ME3: variants seen among roughly 807,000 people sequenced by gnomAD.
ME3 encodes NADP-dependent malic enzyme, mitochondrial.
ME3 carries 48 observed loss-of-function variants against 68.9 expected under a neutral mutation model. That is an observed-to-expected ratio of 0.70 (90% CI 0.55 to 0.89). ME3 has a LOEUF of 0.89. ME3 is among the 40% of genes least tolerant of loss of function. The probability of loss-of-function intolerance (pLI) is 0.00; values close to 1 mark genes in which losing one functional copy is unlikely to be tolerated. For synonymous variants in ME3, 320 were observed against 318.8 expected, an observed-to-expected ratio of 1.00 and a Z score of -0.04; for missense variants, 675 against 797.4, an observed-to-expected ratio of 0.85 and a Z score of 1.85.
intron 3 of ME3, 79 bp from the exon 4 acceptor site, chr11:86,556,781 C>T: frequency 6.7e-7 from 1 of 1,486,364 alleles, no homozygotes; most frequent in Admixed American, 1.8e-5. Flanking sequence ...TGCAAAGACC[C>T]AAGGCTCCTG....
chr11:86,507,385 A>G (rs964601450), intron 5 of ME3, among the ~76,000 whole-genome samples: 43 of 152,284 alleles, frequency 2.8e-4, no homozygotes, highest in African/African-American at 1.0e-3. Context: ...CTTCCAGAGT[A>G]GATGTGTTGG....
At chr11:86,445,514 C>T (rs554266438) in intron 13 of ME3, among the ~76,000 whole-genome samples, 2 of 152,326 alleles carry the variant, frequency 1.3e-5, no homozygotes, top group South Asian at 4.1e-4. Context: ...GCCTTTGGAG[C>T]TTGTTACGTG....
intron 4 of ME3, among the ~76,000 whole-genome samples, chr11:86,551,135 T>C (rs1483154177): frequency 2.6e-5 from 4 of 152,072 alleles, no homozygotes; most frequent in African/African-American, 9.7e-5. Flanking sequence ...CTTATGGGTA[T>C]GGGGTGAGAG....
intron 2 of ME3, among the ~76,000 whole-genome samples, chr11:86,619,044 TC>T (rs1943175762): frequency 6.6e-6 from 1 of 151,988 alleles, no homozygotes; most frequent in African/African-American, 2.4e-5. Context: ...GGCACCTTCT[TC>T]CCCCCAACCC....
intron 7 of ME3, among the ~76,000 whole-genome samples, chr11:86,480,720 C>T (rs1238533412): frequency 6.6e-6 from 1 of 152,100 alleles, no homozygotes; most frequent in Non-Finnish European, 1.5e-5. Context: ...TGCAATTATT[C>T]CCCGCATGAA....
intron 4 of ME3, among the ~76,000 whole-genome samples, chr11:86,534,081 G>GTATATATATATA (rs57566563): frequency 7.8e-6 from 1 of 127,504 alleles, no homozygotes; most frequent in Non-Finnish European, 1.7e-5. Context: ...GTGTGTGTGT[G>GTATATATATATA]TATATATATA....
intron 2 of ME3, among the ~76,000 whole-genome samples, chr11:86,651,131 G>T (rs1227014341): frequency 3.3e-5 from 5 of 152,238 alleles, no homozygotes; most frequent in Non-Finnish European, 5.9e-5. Flanking sequence ...CACAGCTCAA[G>T]GAGGCCTGCC....
chr11:86,450,521 T>C (rs1949571101), intron 8 of ME3, 123 bp from the exon 9 acceptor site: 1 of 688,810 alleles, frequency 1.5e-6, no homozygotes, highest in African/African-American at 1.8e-5. Context: ...TTAGCCCTTA[T>C]GCCCTGTAGG....
chr11:86,603,778 T>A (rs1322535067), intron 2 of ME3, among the ~76,000 whole-genome samples: 3 of 152,012 alleles, frequency 2.0e-5, no homozygotes, highest in Admixed American at 6.5e-5. Context: ...AAAAATGATG[T>A]GTTCATGTCC....
At chr11:86,526,327 G>A in intron 4 of ME3, among the ~76,000 whole-genome samples, 1 of 152,204 alleles carries the variant, frequency 6.6e-6, no homozygotes. Context: ...GGGGAGGAAT[G>A]CCCACTCTTG....
chr11:86,495,652 C>G (rs1952279532), intron 6 of ME3, among the ~76,000 whole-genome samples: 1 of 152,194 alleles, frequency 6.6e-6, no homozygotes. Context: ...ACTCAGATAT[C>G]TGGCTGGGGG....
intron 2 of ME3, among the ~76,000 whole-genome samples, chr11:86,663,182 T>A (rs79179849): frequency 0.044 from 6,772 of 152,298 alleles, 294 homozygotes; most frequent in East Asian, 0.16. Flanking sequence ...TTGCTGATCA[T>A]TCAACTGTAT....
intron 2 of ME3, among the ~76,000 whole-genome samples, chr11:86,621,669 A>C (rs1269547218): frequency 1.3e-5 from 2 of 151,944 alleles, no homozygotes; most frequent in African/African-American, 4.8e-5. Context: ...GCTGACTTAA[A>C]ATATAAGTTT....
chr11:86,644,715 T>C (rs1035436676), intron 2 of ME3, among the ~76,000 whole-genome samples: 1 of 152,250 alleles, frequency 6.6e-6, no homozygotes, highest in Admixed American at 6.5e-5. Context: ...TCTCTTACAC[T>C]ATACTCTGTT....
chr11:86,560,580 C>G (rs1379872), intron 2 of ME3, among the ~76,000 whole-genome samples: 1 of 151,334 alleles, frequency 6.6e-6, no homozygotes, highest in Non-Finnish European at 1.5e-5. Flanking sequence ...TAGTATTATA[C>G]GTTCATTAGA....
intron 13 of ME3, among the ~76,000 whole-genome samples, chr11:86,445,285 C>T (rs1264658793): frequency 1.3e-5 from 2 of 152,108 alleles, no homozygotes; most frequent in Non-Finnish European, 2.9e-5. Flanking sequence ...AGCTGAAAAG[C>T]CTTTGGAAGA....
chr11:86,441,248 A>T, exon 15 of ME3: 2 of 1,518,548 alleles, frequency 1.3e-6, no homozygotes, highest in Non-Finnish European at 1.8e-6. Flanking sequence ...TCTGGGCTTC[A>T]TCTAGCCCCA....
downstream of ME3, among the ~76,000 whole-genome samples, chr11:86,437,938 G>A (rs1297123371): frequency 6.6e-6 from 1 of 152,100 alleles, no homozygotes. Context: ...AATCAAGGCA[G>A]TATTACTCTT....
At chr11:86,628,586 A>C (rs1307592440) in intron 2 of ME3, among the ~76,000 whole-genome samples, 1 of 152,214 alleles carries the variant, frequency 6.6e-6, no homozygotes, top group East Asian at 1.9e-4. Flanking sequence ...AGTGTCCTAC[A>C]GTGGCTCTGT....
Sources: allele counts gnomAD v4.1 joint callset (sites outside exome capture counted in the v4.1 genomes callset), GRCh38; gene constraint gnomAD v4.1.1; transcripts MANE v1.5; gene names NCBI Gene and HGNC (gene_info 2026-07-23, HGNC 2026-07-21).